OSBPL8: variants seen among roughly 807,000 people sequenced by gnomAD.
OSBPL8 encodes oxysterol binding protein like 8, also known as oxysterol-binding protein-related protein 8.
In OSBPL8, 59 loss-of-function variants were observed where a neutral mutation model predicts 125.5. That is an observed-to-expected ratio of 0.47 (90% CI 0.38 to 0.58). OSBPL8 has a LOEUF of 0.58. OSBPL8 is among the 20% of genes least tolerant of loss of function. The probability of loss-of-function intolerance (pLI) is 0.00; values close to 1 mark genes in which losing one functional copy is unlikely to be tolerated. For synonymous variants in OSBPL8, 330 were observed against 338.9 expected, an observed-to-expected ratio of 0.97 and a Z score of 0.29; for missense variants, 758 against 1,047.8, an observed-to-expected ratio of 0.72 and a Z score of 3.82.
chr12:76,395,120 A>T (rs1416903988), intron 8 of OSBPL8, among the ~76,000 whole-genome samples: 1 of 152,152 alleles, frequency 6.6e-6, no homozygotes, highest in Non-Finnish European at 1.5e-5. Flanking sequence ...ATTATAATTT[A>T]AAAAAAGAGA....
At chr12:76,510,979 G>A (rs374862014) in intron 1 of OSBPL8, among the ~76,000 whole-genome samples, 2 of 152,058 alleles carry the variant, frequency 1.3e-5, no homozygotes, top group East Asian at 3.8e-4. Context: ...TGTCATCCAG[G>A]AACTTAGTGT....
At position 76,392,583 on chromosome 12, in the gene OSBPL8, G is replaced by T; in HGVS notation, c.927C>A (p.Phe309Leu). Reference protein sequence around the residue: ...RANNLHSGDNFQLNDSEIERQ... With the variant: ...RANNLHSGDNLQLNDSEIERQ... ...ACTCAGCGGCAGTATCTACTTACTG[G>T]AAGTTATCACCACTGTGGAGATTGT... is the stretch of plus-strand genomic sequence containing the variant. Residue 309 changes from phenylalanine (F) to leucine (L), a missense_variant and splice_region_variant, in exon 10 of 24, where the codon TTC (phenylalanine) becomes TTA (leucine). By Grantham distance (22) the Phe-to-Leu change is conservative (BLOSUM62 0). This residue lies in a region of OSBPL8 where 572 missense variants were observed against 762.0 expected (regional missense o/e 0.75). Transcript: ENST00000261183. 3 of 1,604,570 alleles carry T rather than the reference G, an allele frequency of 1.9e-6. No individual in the cohort carries two copies. The highest frequency in any genetic ancestry group is 2.6e-6 in the Non-Finnish European group (3 of 1,172,900).
rs368024439 is a variant in OSBPL8 at position 76,509,460 on chromosome 12, T to C, written c.-67-21842A>G. Among the ~76,000 whole-genome samples the C allele has an allele frequency of 3.3e-5, 5 of 152,296 alleles. No homozygotes were observed. The East Asian group carries it at 9.7e-4, about 29-fold the overall frequency. Reference sequence around the variant, plus strand: ...TCCAAATATCAAGCTAGTACCAACATCCTATTCATACGTACTTTGAAAGAA... The same window carrying C: ...TCCAAATATCAAGCTAGTACCAACACCCTATTCATACGTACTTTGAAAGAA... On this transcript the variant is annotated intron_variant, in intron 1 of 23. Coordinates refer to ENST00000261183, the MANE Select transcript of OSBPL8 (RefSeq NM_020841.5).
Position 76,354,173 on chromosome 12 carries a change from AAC to A in OSBPL8, c.*1714_*1715del, listed in dbSNP as rs1424618304. On this transcript the variant is annotated 3_prime_UTR_variant, in exon 24 of 24. Coordinates refer to ENST00000261183, the MANE Select transcript of OSBPL8 (RefSeq NM_020841.5). Reference sequence around the variant, plus strand: ...AATTATATTGACAAATATAAAATATAACCAAAAACCCATTTGTTCTAATATCA... The same window carrying A: ...AATTATATTGACAAATATAAAATATACAAAAACCCATTTGTTCTAATATCA... The A allele has an allele frequency of 6.6e-6, 1 of 152,406 alleles. No individual in the cohort carries two copies. Among genetic ancestry groups the A allele is most frequent in the African/African-American group, 2.4e-5 (1 of 41,444 alleles). The allele number at this position is 152,406 out of a possible 1,614,324, so 9.4% of individuals were successfully genotyped here.
At chr12:76,521,045 T>C (rs1312398952) in intron 1 of OSBPL8, among the ~76,000 whole-genome samples, 1 of 152,194 alleles carries the variant, frequency 6.6e-6, no homozygotes, top group Non-Finnish European at 1.5e-5. Flanking sequence ...TCCATCACCT[T>C]ACTTATCCAG....
chr12:76,400,043 G>A, intron 6 of OSBPL8, 69 bp from the exon 7 acceptor site: 3 of 1,193,976 alleles, frequency 2.5e-6, no homozygotes, highest in Admixed American at 2.5e-5. Context: ...AAGTTCAGGG[G>A]TACAAATGCA....
intron 4 of OSBPL8, among the ~76,000 whole-genome samples, chr12:76,435,155 CGTGTGT>C (rs71082308): frequency 0.025 from 3,633 of 146,438 alleles, 140 homozygotes; most frequent in African/African-American, 0.082. Context: ...TATATATCTA[CGTGTGT>C]GTGTGTGTGT....
At chr12:76,520,175 C>T (rs1384175035) in intron 1 of OSBPL8, among the ~76,000 whole-genome samples, 1 of 152,056 alleles carries the variant, frequency 6.6e-6, no homozygotes. Flanking sequence ...ATTCTAAATG[C>T]CTTTACGTGA....
chr12:76,448,051 T>C (rs1362418314), intron 4 of OSBPL8, among the ~76,000 whole-genome samples: 1 of 152,216 alleles, frequency 6.6e-6, no homozygotes, highest in Non-Finnish European at 1.5e-5. Context: ...GCAATTATCA[T>C]CAGTTTTGTT....
chr12:76,403,497 C>A (rs898700850), intron 5 of OSBPL8, among the ~76,000 whole-genome samples: 2 of 152,048 alleles, frequency 1.3e-5, no homozygotes, highest in Admixed American at 6.6e-5. Flanking sequence ...ATTAACATTG[C>A]GGAGATCAGA....
chr12:76,440,407 T>A (rs934080757), intron 4 of OSBPL8, among the ~76,000 whole-genome samples: 1 of 152,202 alleles, frequency 6.6e-6, no homozygotes, highest in Non-Finnish European at 1.5e-5. Context: ...TAATTTTTTA[T>A]TGATTTTAAA....
rs547376226 is a variant in OSBPL8 at position 76,493,513 on chromosome 12, A to AT, written c.-67-5896dup. Among the ~76,000 whole-genome samples the AT allele has an allele frequency of 2.1e-3, 317 of 152,202 alleles. 3 individuals carry two copies. The highest frequency in any genetic ancestry group is 7.2e-3 in the African/African-American group (301 of 41,542). ...TCAGATAAAGTATTCTTGGTTTACA[A>AT]TTTTTTTCTTTCAGCACTTTAAATA... On this transcript the variant is annotated intron_variant, in intron 1 of 23. Transcript: ENST00000261183.
At chr12:76,378,332 G>T in intron 16 of OSBPL8, 120 bp downstream of exon 16, 3 of 672,540 alleles carry the variant, frequency 4.5e-6, no homozygotes, top group Non-Finnish European at 7.5e-6. Context: ...GTAATCCAAG[G>T]ATGCTTTCAA....
chr12:76,442,050 C>T (rs1322932610), intron 4 of OSBPL8, among the ~76,000 whole-genome samples: 2 of 152,046 alleles, frequency 1.3e-5, no homozygotes, highest in African/African-American at 4.8e-5. Context: ...TAATGTACTC[C>T]ATAAATATTT....
chr12:76,431,341 A>G (rs1395821689), intron 4 of OSBPL8, among the ~76,000 whole-genome samples: 1 of 151,976 alleles, frequency 6.6e-6, no homozygotes, highest in African/African-American at 2.4e-5. Context: ...AAGAAAGAAA[A>G]TGAGAGAAAG....
chr12:76,544,031 G>T (rs1345251289), intron 1 of OSBPL8, among the ~76,000 whole-genome samples: 1 of 152,042 alleles, frequency 6.6e-6, no homozygotes, highest in Non-Finnish European at 1.5e-5. Flanking sequence ...GCACCAACAC[G>T]TGGGAAACAG....
At chr12:76,398,014 T>A (rs1953887427) in intron 7 of OSBPL8, 117 bp from the exon 8 acceptor site, 1 of 836,396 alleles carries the variant, frequency 1.2e-6, no homozygotes, top group Non-Finnish European at 1.8e-6. Context: ...CTTTAAATAT[T>A]TTATTTAAAA....
chr12:76,410,702 A>T lies in OSBPL8; in HGVS notation c.218-68T>A. ...ATGTATAATAAGTCATTCATTTTCAAGTATAGACTATATTTGATATAAATC... is the reference window on the plus strand; with the variant it reads ...ATGTATAATAAGTCATTCATTTTCATGTATAGACTATATTTGATATAAATC... On this transcript the variant is annotated intron_variant, in intron 4 of 23. Coordinates refer to ENST00000261183, the MANE Select transcript of OSBPL8 (RefSeq NM_020841.5). 4 of 1,076,734 alleles carry T rather than the reference A, an allele frequency of 3.7e-6. No homozygotes were observed. In the South Asian group the frequency reaches 5.3e-5, roughly 14 times the overall value. 66.7% of individuals were successfully genotyped at this position (1,076,734 alleles called of 1,614,324 possible). A position where few individuals can be genotyped will look rare whatever the true frequency, so the allele number is the denominator to read the frequency against.
intron 1 of OSBPL8, among the ~76,000 whole-genome samples, chr12:76,540,487 CGTGT>C (rs59101769): frequency 0.062 from 8,777 of 141,374 alleles, 276 homozygotes; most frequent in Middle Eastern, 0.079. Context: ...ATTATATAGT[CGTGT>C]GTGTGTGTGT....
Sources: allele counts gnomAD v4.1 joint callset (sites outside exome capture counted in the v4.1 genomes callset), GRCh38; gene constraint gnomAD v4.1.1; regional missense constraint gnomAD v4.1.1; transcripts MANE v1.5; gene names NCBI Gene and HGNC (gene_info 2026-07-23, HGNC 2026-07-21).